FBXO33: variants seen among roughly 807,000 people sequenced by gnomAD.
FBXO33 encodes the protein F-box only protein 33.
FBXO33 carries 22 observed loss-of-function variants against 46.3 expected under a neutral mutation model. The observed-to-expected ratio is 0.48, with a 90% CI of 0.34 to 0.68. FBXO33 has a LOEUF of 0.68. FBXO33 is among the 30% of genes least tolerant of loss of function. The pLI, the probability that FBXO33 is intolerant of heterozygous loss-of-function variation, is 0.01. For synonymous variants in FBXO33, 337 were observed against 291.3 expected (o/e 1.16, Z -1.60); for missense variants, 692 against 708.8 (o/e 0.98, Z 0.27).
intron 1 of FBXO33, among the ~76,000 whole-genome samples, chr14:39,429,412 T>C (rs766029610): frequency 3.3e-5 from 5 of 152,230 alleles, no homozygotes; most frequent in East Asian, 1.9e-4. Flanking sequence ...TAAGTGATTA[T>C]AGAAAGAAAT....
chr14:39,404,017 G>A (rs1307045462), intron 1 of FBXO33, among the ~76,000 whole-genome samples: 2 of 152,090 alleles, frequency 1.3e-5, no homozygotes, highest in African/African-American at 4.8e-5. Flanking sequence ...GAGATTACAA[G>A]TATGAGCCAC....
chr14:39,428,075 C>T (rs2075524524), intron 1 of FBXO33, among the ~76,000 whole-genome samples: 1 of 152,142 alleles, frequency 6.6e-6, no homozygotes, highest in Non-Finnish European at 1.5e-5. Flanking sequence ...TTTTAACTTA[C>T]AGGATATATA....
intron 1 of FBXO33, among the ~76,000 whole-genome samples, chr14:39,411,319 C>T (rs1455748196): frequency 1.3e-5 from 2 of 151,984 alleles, no homozygotes; most frequent in African/African-American, 2.4e-5. Context: ...GTCTCAAACT[C>T]CTGACCTCAT....
At chr14:39,407,672 A>G (rs1471863293) in intron 1 of FBXO33, among the ~76,000 whole-genome samples, 2 of 152,132 alleles carry the variant, frequency 1.3e-5, no homozygotes, top group African/African-American at 2.4e-5. Flanking sequence ...TTGCATGTCT[A>G]TATCACATTT....
rs763392649 is a variant in FBXO33, at chr14:39,401,207, C to T, written c.1365G>A (p.Arg455=). 2 of 1,607,028 alleles carry T rather than the reference C, an allele frequency of 1.2e-6. No homozygotes were observed. Among genetic ancestry groups the T allele is most frequent in the South Asian group, 2.2e-5 (2 of 89,432 alleles). ...NEDPLVLLAW[R]CTKLSLLAIH... ...TTGCCAGAAGAGAGAGCTTTGTGCACCTCCATGCTAATAAAACCAACGGAT... is the reference window on the plus strand; with the variant it reads ...TTGCCAGAAGAGAGAGCTTTGTGCATCTCCATGCTAATAAAACCAACGGAT... Residue 455 remains arginine, a synonymous_variant, in exon 3 of 4, where the codon AGG becomes AGA. Transcript: ENST00000298097.
chr14:39,416,256 G>T (rs1595985695), intron 1 of FBXO33, among the ~76,000 whole-genome samples: 1 of 149,560 alleles, frequency 6.7e-6, no homozygotes, highest in African/African-American at 2.5e-5. Flanking sequence ...TTGGTTGACA[G>T]TTTTTTTTTT....
At chr14:39,405,808 C>T (rs534317877) in intron 1 of FBXO33, among the ~76,000 whole-genome samples, 2 of 150,516 alleles carry the variant, frequency 1.3e-5, no homozygotes, top group Non-Finnish European at 3.0e-5. Context: ...TATAAAACAG[C>T]CAATGTAGAA....
chr14:39,411,519 T>TC (rs150347950), intron 1 of FBXO33, among the ~76,000 whole-genome samples: 27,770 of 150,154 alleles, frequency 0.18, 2,591 homozygotes, highest in Middle Eastern at 0.29. Flanking sequence ...TTATTTGACT[T>TC]CCCCCCCCTT....
Position 39,432,003 on chromosome 14 carries a change from G to T in FBXO33, c.160C>A (p.Arg54=). ...CACAGAGCCATCCGGCCCCGCCGCCGGCTGCCGGCTCCCGGCCGCCCCCGC... is the reference window on the plus strand; with the variant it reads ...CACAGAGCCATCCGGCCCCGCCGCCTGCTGCCGGCTCCCGGCCGCCCCCGC... ...VLRGRPGAGS[R]RRGRMALCGQ... The change falls in exon 1 of 4, where the codon CGG becomes AGG. Residue 54 remains arginine, a synonymous_variant. Transcript: ENST00000298097. 1 of 1,422,916 alleles carries T rather than the reference G, an allele frequency of 7.0e-7. No homozygotes were observed. Among genetic ancestry groups the T allele is most frequent in the Non-Finnish European group, 9.1e-7 (1 of 1,100,910 alleles). 88.1% of individuals were successfully genotyped at this position (1,422,916 alleles called of 1,614,324 possible). A position where few individuals can be genotyped will look rare whatever the true frequency, so the allele number is the denominator to read the frequency against.
At chr14:39,417,537 T>A (rs2075454463) in intron 1 of FBXO33, among the ~76,000 whole-genome samples, 1 of 70,076 alleles carries the variant, frequency 1.4e-5, no homozygotes, top group Non-Finnish European at 2.7e-5. Flanking sequence ...AGTATTGTTA[T>A]TTTTTTTTTT....
chr14:39,410,216 T>G (rs1377873744), intron 1 of FBXO33, among the ~76,000 whole-genome samples: 1 of 152,196 alleles, frequency 6.6e-6, no homozygotes, highest in Non-Finnish European at 1.5e-5. Flanking sequence ...ACATTCCTCC[T>G]ATGGTTAATT....
chr14:39,403,641 G>C (rs974698894), intron 1 of FBXO33, among the ~76,000 whole-genome samples: 1 of 152,080 alleles, frequency 6.6e-6, no homozygotes, highest in Non-Finnish European at 1.5e-5. Context: ...TAGTAAAATT[G>C]TAAATAAAAT....
rs957881830 is a variant in FBXO33 at position 39,431,586 on chromosome 14, G to C, written c.577C>G (p.Leu193Val). The C allele has an allele frequency of 2.5e-6, 4 of 1,612,966 alleles. No individual in the cohort carries two copies. The highest frequency in any genetic ancestry group is 3.4e-6 in the Non-Finnish European group (4 of 1,180,018). Residue 193 changes from leucine (L) to valine (V), a missense_variant, in exon 1 of 4, where the codon CTG (leucine) becomes GTG (valine). This residue lies in a region of FBXO33 where 412 missense variants were observed against 370.8 expected (regional missense o/e 1.11). Transcript: ENST00000298097. ...TACCTGTTGTTCCGGATGCTGACCA[G>C]CACGCAAAGCACCAGCTCCAAGTAG... is the stretch of plus-strand genomic sequence containing the variant. Reference protein sequence around the residue: ...RTYLELVLCVLVSIRNNRNLQ... With the variant: ...RTYLELVLCVVVSIRNNRNLQ...
rs779641639 is a variant in FBXO33, at chr14:39,399,572, T to G, written c.1612A>C (p.Thr538Pro). ...VMDIESLSVF[T>P]EPNRHFYREM... ...CTGTAAAAATGACGATTTGGTTCAG[T>G]GAAGACACTGAGTGATTCGATGTCC... The change falls in exon 4 of 4, where the codon ACT (threonine) becomes CCT (proline). Residue 538 changes from threonine (T) to proline (P), a missense_variant. By Grantham distance (38) the Thr-to-Pro change is conservative (BLOSUM62 -1). Transcript: ENST00000298097. The G allele has an allele frequency of 6.2e-7, 1 of 1,613,398 alleles. No homozygotes were observed. Among genetic ancestry groups the G allele is most frequent in the Non-Finnish European group, 8.5e-7 (1 of 1,179,646 alleles).
Position 39,401,485 on chromosome 14 carries a change from G to A in FBXO33, c.1087C>T (p.Leu363=). 1 of 1,614,174 alleles carries A rather than the reference G, an allele frequency of 6.2e-7. No homozygotes were observed. Among genetic ancestry groups the A allele is most frequent in the South Asian group, 1.1e-5 (1 of 91,074 alleles). ...NMPNDEHWKA[L]SRKSTSFRVY... Reference sequence around the variant, plus strand: ...CGAAAGCTGGTGCTCTTTCGTGACAGGGCTTTCCAATGCTCATCATTTGGC... The same window carrying A: ...CGAAAGCTGGTGCTCTTTCGTGACAAGGCTTTCCAATGCTCATCATTTGGC... The change falls in exon 3 of 4, where the codon CTG becomes TTG. Residue 363 remains leucine (L), a synonymous_variant. Transcript: ENST00000298097.
In FBXO33 at chr14:39,431,886, C is replaced by T. The variant is rs1428186545; in HGVS notation, c.277G>A (p.Ala93Thr). 7.0e-6 allele frequency: 11 copies of T among 1,563,988 alleles called. No individual in the cohort carries two copies. The East Asian group carries it at 2.6e-4, about 36-fold the overall frequency. The stretch of plus-strand genomic sequence containing the variant: ...CACTCACGCCAGTGCGAGCAGGAGG[C>T]CGAGGCCCGCAGCCGGTCGGGCGCC... ...LPAPDRLRAS[A>T]SCSHWRECLF... Residue 93 changes from alanine to threonine, a missense_variant, in exon 1 of 4, where the codon GCC becomes ACC. Physicochemically the swap from Ala to Thr is moderately conservative, Grantham distance 58 (BLOSUM62 0). Transcript: ENST00000298097.
intron 1 of FBXO33, among the ~76,000 whole-genome samples, chr14:39,414,400 C>T (rs1327850612): frequency 6.6e-6 from 1 of 152,196 alleles, no homozygotes; most frequent in Non-Finnish European, 1.5e-5. Flanking sequence ...AAAACTTTAT[C>T]AGTAATAAGG....
chr14:39,419,601 T>C (rs1238380784), intron 1 of FBXO33, among the ~76,000 whole-genome samples: 2 of 152,226 alleles, frequency 1.3e-5, no homozygotes, highest in Non-Finnish European at 2.9e-5. Context: ...ATAAGGGAAT[T>C]GTGCTACATA....
Position 39,432,157 on chromosome 14 carries a change from C to T in FBXO33, c.6G>A (p.Leu2=). Residue 2 remains leucine (L), a synonymous_variant, in exon 1 of 4, where the codon TTG becomes TTA. Transcript: ENST00000298097. ...GGGGCTGCGGCACTGACAAGAACAA[C>T]AACATCAATGACTAGGAAGAAGGGG... M[L]LFLSVPQPRP... is the part of the protein sequence containing the mutation. 1.6e-6 allele frequency: 2 copies of T among 1,235,764 alleles called. No homozygotes were observed. The highest frequency in any genetic ancestry group is 2.0e-6 in the Non-Finnish European group (2 of 988,932). 76.5% of individuals were successfully genotyped at this position (1,235,764 alleles called of 1,614,324 possible). A position where few individuals can be genotyped will look rare whatever the true frequency, so the allele number is the denominator to read the frequency against.
Sources: allele counts gnomAD v4.1 joint callset (sites outside exome capture counted in the v4.1 genomes callset), GRCh38; gene constraint gnomAD v4.1.1; regional missense constraint gnomAD v4.1.1; transcripts MANE v1.5; gene names NCBI Gene and HGNC (gene_info 2026-07-23, HGNC 2026-07-21).